NRXN1: variants seen among roughly 807,000 people sequenced by gnomAD.
NRXN1 encodes neurexin 1, also known as neurexin-1.
NRXN1 carries 39 observed loss-of-function variants against 150.9 expected under a neutral mutation model. The ratio of observed to expected loss-of-function variants is 0.26; its 90% CI spans 0.20 to 0.34. The LOEUF (loss-of-function observed/expected upper bound fraction) is 0.34, where lower values mean the gene tolerates loss of function less well. NRXN1 is among the 10% of genes least tolerant of loss of function. NRXN1 has a pLI of 1.00. For synonymous variants in NRXN1, 924 were observed against 757.0 expected, an observed-to-expected ratio of 1.22 and a Z score of -3.62; for missense variants, 1,815 against 1,949.9, an observed-to-expected ratio of 0.93 and a Z score of 1.30.
At chr2:50,332,748 T>C (rs2076914391) in intron 17 of NRXN1, among the ~76,000 whole-genome samples, 1 of 152,224 alleles carries the variant, frequency 6.6e-6, no homozygotes, top group African/African-American at 2.4e-5. Flanking sequence ...TAGCTTCTTG[T>C]CACTGTTCAT....
chr2:50,833,832 CAGAT>C (rs1671736748), intron 5 of NRXN1, among the ~76,000 whole-genome samples: 1 of 152,076 alleles, frequency 6.6e-6, no homozygotes, highest in Admixed American at 6.6e-5. Flanking sequence ...AGGAAATGCA[CAGAT>C]AGAACATAAA....
At chr2:50,871,242 C>CAATA (rs2106098128) in intron 5 of NRXN1, among the ~76,000 whole-genome samples, 1 of 151,894 alleles carries the variant, frequency 6.6e-6, no homozygotes, top group African/African-American at 2.4e-5. Context: ...CTCCTATTCT[C>CAATA]TATTATCTTT....
chr2:50,527,866 A>G (rs1200564291), intron 12 of NRXN1, among the ~76,000 whole-genome samples: 3 of 152,198 alleles, frequency 2.0e-5, no homozygotes, highest in African/African-American at 7.2e-5. Flanking sequence ...TGTTGTGATC[A>G]TTGGAGATTT....
chr2:50,740,728 T>C (rs1320449458), intron 5 of NRXN1, among the ~76,000 whole-genome samples: 2 of 152,142 alleles, frequency 1.3e-5, no homozygotes, highest in Admixed American at 1.3e-4. Flanking sequence ...TCCCCCACTT[T>C]TTATGCATGT....
intron 5 of NRXN1, among the ~76,000 whole-genome samples, chr2:50,703,168 A>G (rs888487329): frequency 6.6e-6 from 1 of 152,142 alleles, no homozygotes; most frequent in African/African-American, 2.4e-5. Flanking sequence ...AGATCTTCCT[A>G]AGGACAAACA....
chr2:50,152,809 A>T (rs2058772405), intron 18 of NRXN1, among the ~76,000 whole-genome samples: 2 of 151,620 alleles, frequency 1.3e-5, no homozygotes, highest in African/African-American at 4.8e-5. Context: ...TTCCCTTTGA[A>T]TTCATCCTAC....
At chr2:50,798,752 T>A (rs1707185839) in intron 5 of NRXN1, among the ~76,000 whole-genome samples, 2 of 152,188 alleles carry the variant, frequency 1.3e-5, no homozygotes, top group Non-Finnish European at 2.9e-5. Context: ...ATTACAGCAG[T>A]CTGTATCAAT....
At chr2:50,475,614 A>C (rs954778416) in intron 15 of NRXN1, among the ~76,000 whole-genome samples, 2 of 152,046 alleles carry the variant, frequency 1.3e-5, no homozygotes, top group Non-Finnish European at 2.9e-5. Flanking sequence ...GTGGGATACA[A>C]CCTTCAAACA....
At chr2:49,985,637 T>C (rs1680776199) in intron 21 of NRXN1, among the ~76,000 whole-genome samples, 1 of 152,236 alleles carries the variant, frequency 6.6e-6, no homozygotes, top group Admixed American at 6.5e-5. Context: ...TTTGAGATTC[T>C]CTACTTCCAC....
intron 5 of NRXN1, among the ~76,000 whole-genome samples, chr2:50,840,796 G>C (rs10490176): frequency 0.53 from 80,624 of 151,914 alleles, 23,060 homozygotes; most frequent in Non-Finnish European, 0.66. Flanking sequence ...AATCTTAAGA[G>C]AGGACTTCAG....
At position 50,402,189 on chromosome 2, in the gene NRXN1, G is replaced by C. The variant is rs143342533; in HGVS notation, c.3364+63253C>G. 5.0e-4 allele frequency among the ~76,000 whole-genome samples: 76 copies of C among 152,146 alleles called. 1 individual carries two copies. In the East Asian group the frequency reaches 0.013, roughly 27 times the overall value. On this transcript the variant is annotated intron_variant, in intron 17 of 22. Coordinates refer to ENST00000401669, the MANE Select transcript of NRXN1 (RefSeq NM_001330078.2). ...TAAAGGTGACAAACATTTGCTCTAG[G>C]TACCTAGGGATCAAAGTAACTGAGC... is the stretch of plus-strand genomic sequence containing the variant.
At chr2:50,684,673 A>C (rs1435435659) in intron 5 of NRXN1, among the ~76,000 whole-genome samples, 1 of 152,172 alleles carries the variant, frequency 6.6e-6, no homozygotes, top group Non-Finnish European at 1.5e-5. Flanking sequence ...ATCGCTAAGC[A>C]ACTGCATGGA....
At chr2:50,182,004 A>C (rs931189707) in intron 18 of NRXN1, among the ~76,000 whole-genome samples, 8 of 151,590 alleles carry the variant, frequency 5.3e-5, no homozygotes, top group Non-Finnish European at 1.0e-4. Flanking sequence ...TAAGGTTTCC[A>C]TATCTTTTTT....
chr2:50,478,197 T>C (rs546023619), intron 15 of NRXN1, among the ~76,000 whole-genome samples: 5 of 152,326 alleles, frequency 3.3e-5, no homozygotes, highest in African/African-American at 1.2e-4. Flanking sequence ...TAATATCTGA[T>C]AAACAAACAT....
At chr2:50,108,893 G>A (rs1303718212) in intron 18 of NRXN1, among the ~76,000 whole-genome samples, 1 of 152,076 alleles carries the variant, frequency 6.6e-6, no homozygotes, top group East Asian at 1.9e-4. Flanking sequence ...CACACTACTT[G>A]CTGTAAACCG....
intron 18 of NRXN1, among the ~76,000 whole-genome samples, chr2:50,217,725 T>C (rs1209268199): frequency 2.0e-5 from 3 of 152,062 alleles, no homozygotes; most frequent in East Asian, 3.9e-4. Flanking sequence ...CAGAGTCCTA[T>C]GCAGAAAGAA....
rs77829034 is a variant in NRXN1, at chr2:50,040,619, G to A, written c.4128+12652C>T. ...GTGATGAGGGGATAAATGTGGTATC[G>A]TTGCTTTTTTATATACCATCTTCTA... On this transcript the variant is annotated intron_variant, in intron 21 of 22. Transcript: ENST00000401669. Among the ~76,000 whole-genome samples the A allele has an allele frequency of 9.8e-3, 1,491 of 152,034 alleles. 8 individuals are homozygous for A. Among genetic ancestry groups the A allele is most frequent in the Non-Finnish European group, 0.017 (1,179 of 67,944 alleles).
chr2:50,591,383 G>GATAT (rs1401753238), intron 8 of NRXN1, among the ~76,000 whole-genome samples: 7 of 53,148 alleles, frequency 1.3e-4, no homozygotes, highest in Non-Finnish European at 2.5e-4. Context: ...CTATATATCA[G>GATAT]ATAGATAGAT....
At chr2:50,581,134 T>C (rs551815818) in intron 8 of NRXN1, among the ~76,000 whole-genome samples, 2 of 152,324 alleles carry the variant, frequency 1.3e-5, no homozygotes, top group South Asian at 4.1e-4. Context: ...AATTTATGAA[T>C]ACACAGAAGT....
Sources: allele counts gnomAD v4.1 joint callset (sites outside exome capture counted in the v4.1 genomes callset), GRCh38; gene constraint gnomAD v4.1.1; transcripts MANE v1.5; gene names NCBI Gene and HGNC (gene_info 2026-07-23, HGNC 2026-07-21).